ZNF587B: variants seen among roughly 807,000 people sequenced by gnomAD.
ZNF587B encodes the protein zinc finger protein 587B.
ZNF587B carries 6 observed loss-of-function variants against 7.2 expected under a neutral mutation model. The ratio of observed to expected loss-of-function variants is 0.83; its 90% CI spans 0.46 to 1.65. The LOEUF is 1.65. Among genes scored for constraint, ZNF587B ranks in the 40% most tolerant of loss-of-function variants. ZNF587B has a pLI of 0.01. For synonymous variants in ZNF587B, 274 were observed against 254.3 expected, an observed-to-expected ratio of 1.08 and a Z score of -0.74; for missense variants, 749 against 761.0, an observed-to-expected ratio of 0.98 and a Z score of 0.19.
chr19:57,841,974 A>G lies in ZNF587B; in HGVS notation c.1300A>G (p.Thr434Ala). The G allele has an allele frequency of 1.9e-6, 3 of 1,609,800 alleles. No homozygotes were observed. Among genetic ancestry groups the G allele is most frequent in the Non-Finnish European group, 2.5e-6 (3 of 1,177,902 alleles). ...TAGGAGTCATCAGCGAGTTCACACTACAGAAAGACCTTATAAGTGTGGGGA... is the reference window on the plus strand; with the variant it reads ...TAGGAGTCATCAGCGAGTTCACACTGCAGAAAGACCTTATAAGTGTGGGGA... ...HLRSHQRVHT[T>A]ERPYKCGECG... is the part of the protein sequence containing the mutation. Residue 434 changes from threonine (T) to alanine (A), a missense_variant, in exon 3 of 3, where the codon ACA (threonine) becomes GCA (alanine). This residue lies in a region of ZNF587B where 656 missense variants were observed against 596.5 expected (regional missense o/e 1.10). Transcript: ENST00000594901.
At chr19:57,840,013 G>C (rs1427340690) in intron 2 of ZNF587B, among the ~76,000 whole-genome samples, 2 of 144,608 alleles carry the variant, frequency 1.4e-5, no homozygotes, top group Non-Finnish European at 3.0e-5. Context: ...AGGAGGCAGA[G>C]GTGGTGAGCC....
intron 1 of ZNF587B, among the ~76,000 whole-genome samples, chr19:57,831,208 T>C (rs1988376589): frequency 1.3e-5 from 2 of 152,134 alleles, no homozygotes; most frequent in African/African-American, 2.4e-5. Context: ...ATGGAGTCTG[T>C]CTGGCTCTCT....
chr19:57,842,825 C>A lies in ZNF587B; in HGVS notation c.*249C>A. On this transcript the variant is annotated 3_prime_UTR_variant, in exon 3 of 3. Transcript: ENST00000594901. ...GCCTTACTAGTGTGGCAAATATAGG[C>A]TATTTATCCAGAAGTCTGGCTTCAA... 1 of 985,298 alleles carries A rather than the reference C, an allele frequency of 1.0e-6. No individual in the cohort carries two copies. Among genetic ancestry groups the A allele is most frequent in the Non-Finnish European group, 1.2e-6 (1 of 829,908 alleles). The allele number at this position is 985,298 out of a possible 1,614,324, so 61.0% of individuals were successfully genotyped here.
At chr19:57,837,215 G>A (rs1460209217) in intron 1 of ZNF587B, among the ~76,000 whole-genome samples, 12 of 151,716 alleles carry the variant, frequency 7.9e-5, no homozygotes, top group Admixed American at 2.0e-4. Flanking sequence ...GTGGCTCTTT[G>A]TGGTGAGTGG....
intron 1 of ZNF587B, among the ~76,000 whole-genome samples, chr19:57,836,291 G>A (rs1325825708): frequency 6.6e-6 from 1 of 152,174 alleles, no homozygotes; most frequent in Non-Finnish European, 1.5e-5. Context: ...AATTACTTGA[G>A]ACCACCGCTC....
intron 1 of ZNF587B, among the ~76,000 whole-genome samples, chr19:57,832,191 A>T (rs900852311): frequency 4.0e-5 from 6 of 151,590 alleles, no homozygotes; most frequent in African/African-American, 1.5e-4. Context: ...GGTTCATGCC[A>T]TTCTCCTGCC....
chr19:57,839,103 G>C lies in ZNF587B; in HGVS notation c.117G>C (p.Leu39=). The C allele has an allele frequency of 3.1e-6, 5 of 1,614,196 alleles. No homozygotes were observed. Among genetic ancestry groups the C allele is most frequent in the Non-Finnish European group, 4.2e-6 (5 of 1,180,036 alleles). ...TCCTTAGTGAGGCTCAGAGATGCCT[G>C]TACCGTGATGTGACTCTGGAGAACC... ...WNLLSEAQRC[L]YRDVTLENLA... The change falls in exon 2 of 3, where the codon CTG becomes CTC. Residue 39 remains leucine, a synonymous_variant. Coordinates refer to ENST00000594901, the MANE Select transcript of ZNF587B (RefSeq NM_001376223.1).
At chr19:57,831,628 A>G (rs1988399647) in intron 1 of ZNF587B, among the ~76,000 whole-genome samples, 1 of 152,124 alleles carries the variant, frequency 6.6e-6, no homozygotes, top group South Asian at 2.1e-4. Flanking sequence ...ACCTGATCTC[A>G]GGTGATTCAC....
intron 2 of ZNF587B, among the ~76,000 whole-genome samples, chr19:57,840,321 C>T (rs1227650711): frequency 6.6e-6 from 1 of 152,024 alleles, no homozygotes; most frequent in Non-Finnish European, 1.5e-5. Flanking sequence ...TACATGAACT[C>T]GTACCCTAAT....
At position 57,842,713 on chromosome 19, in the gene ZNF587B, G is replaced by T. The variant is rs1988907179; in HGVS notation, c.*137G>T. On this transcript the variant is annotated 3_prime_UTR_variant, in exon 3 of 3. Coordinates refer to ENST00000594901, the MANE Select transcript of ZNF587B (RefSeq NM_001376223.1). The stretch of plus-strand genomic sequence containing the variant: ...TGGACATTGGAGAGTTCACACCAGA[G>T]AAAAGTCCTTACAAGTAAAATAAAT... 7.8e-7 allele frequency: 1 copy of T among 1,287,922 alleles called. No individual in the cohort carries two copies. The allele number at this position is 1,287,922 out of a possible 1,614,324, so 79.8% of individuals were successfully genotyped here. A position where few individuals can be genotyped will look rare whatever the true frequency, so the allele number is the denominator to read the frequency against.
chr19:57,839,090 C>T lies in ZNF587B; in HGVS notation c.104C>T (p.Ala35Val), dbSNP rs777537750. 1.9e-6 allele frequency: 3 copies of T among 1,614,174 alleles called. No homozygotes were observed. The highest frequency in any genetic ancestry group is 2.2e-5 in the South Asian group (2 of 91,076). ...GAGGAATGGAATCTCCTTAGTGAGGCTCAGAGATGCCTGTACCGTGATGTG... is the reference window on the plus strand; with the variant it reads ...GAGGAATGGAATCTCCTTAGTGAGGTTCAGAGATGCCTGTACCGTGATGTG... ...TQEEWNLLSE[A>V]QRCLYRDVTL... Residue 35 changes from alanine to valine, a missense_variant, in exon 2 of 3, where the codon GCT becomes GTT. Transcript: ENST00000594901.
At chr19:57,837,439 GT>G (rs772656383) in intron 1 of ZNF587B, among the ~76,000 whole-genome samples, 38 of 135,124 alleles carry the variant, frequency 2.8e-4, no homozygotes, top group Non-Finnish European at 3.4e-4. Context: ...TTTTTGTTTT[GT>G]TTTTTTTTTT....
In ZNF587B at chr19:57,844,876, A is replaced by G. The variant is rs1415387578; in HGVS notation, c.*2300A>G. On this transcript the variant is annotated 3_prime_UTR_variant, in exon 3 of 3. Transcript: ENST00000594901. The stretch of plus-strand genomic sequence containing the variant: ...GATATCCAGAATTCTGTAAGGCAAC[A>G]TCACAGGTTGTAAGGCTATAGGATG... 44 of 152,252 alleles carry G rather than the reference A, an allele frequency of 2.9e-4. No homozygotes were observed. The highest frequency in any genetic ancestry group is 2.7e-3 in the Admixed American group (42 of 15,284). The allele number at this position is 152,252 out of a possible 1,614,324, so 9.4% of individuals were successfully genotyped here. A position where few individuals can be genotyped will look rare whatever the true frequency, so the allele number is the denominator to read the frequency against.
chr19:57,840,171 A>G (rs1988785501), intron 2 of ZNF587B, among the ~76,000 whole-genome samples: 2 of 150,016 alleles, frequency 1.3e-5, no homozygotes, highest in South Asian at 2.1e-4. Flanking sequence ...CCAGGAACCT[A>G]TTCTACTTTA....
intron 1 of ZNF587B, among the ~76,000 whole-genome samples, chr19:57,836,862 C>G (rs1420288594): frequency 6.6e-6 from 1 of 150,594 alleles, no homozygotes; most frequent in South Asian, 2.1e-4. Flanking sequence ...TACTGAGGAG[C>G]TGAGGCAAGA....
rs1988321656 is a variant in ZNF587B, at chr19:57,830,338, G to A, written c.-191G>A. 1 of 568,226 alleles carries A rather than the reference G, an allele frequency of 1.8e-6. No homozygotes were observed. The highest frequency in any genetic ancestry group is 3.0e-5 in the East Asian group (1 of 33,852). The allele number at this position is 568,226 out of a possible 1,614,324, so 35.2% of individuals were successfully genotyped here. The stretch of plus-strand genomic sequence containing the variant: ...TTATTTGTCGGAGAGGCTCCTGAGC[G>A]CTAGGTCGGCACTGCGGTGACTGAA... On this transcript the variant is annotated 5_prime_UTR_variant, in exon 1 of 3. Transcript: ENST00000594901.
rs1317431328 is a variant in ZNF587B at position 57,830,365 on chromosome 19, C to G, written c.-164C>G. The G allele has an allele frequency of 2.2e-5, 15 of 684,636 alleles. No homozygotes were observed. Among genetic ancestry groups the G allele is most frequent in the Non-Finnish European group, 3.4e-5 (14 of 411,562 alleles). The allele number at this position is 684,636 out of a possible 1,614,324, so 42.4% of individuals were successfully genotyped here. ...TAGGTCGGCACTGCGGTGACTGAAC[C>G]CAGAAGGCGGAGAACAGTTGTCCTC... On this transcript the variant is annotated 5_prime_UTR_variant, in exon 1 of 3. Coordinates refer to ENST00000594901, the MANE Select transcript of ZNF587B (RefSeq NM_001376223.1).
intron 2 of ZNF587B, among the ~76,000 whole-genome samples, chr19:57,839,483 C>T (rs941275335): frequency 6.6e-6 from 1 of 152,172 alleles, no homozygotes; most frequent in African/African-American, 2.4e-5. Flanking sequence ...TTTTCTTATG[C>T]CTTCCTGTGG....
chr19:57,838,426 C>A (rs1481588964), intron 1 of ZNF587B, among the ~76,000 whole-genome samples: 1 of 151,956 alleles, frequency 6.6e-6, no homozygotes, highest in South Asian at 2.1e-4. Context: ...CATGATGAAA[C>A]CCCGTCTCTA....
Sources: allele counts gnomAD v4.1 joint callset (sites outside exome capture counted in the v4.1 genomes callset), GRCh38; gene constraint gnomAD v4.1.1; regional missense constraint gnomAD v4.1.1; transcripts MANE v1.5; gene names NCBI Gene and HGNC (gene_info 2026-07-23, HGNC 2026-07-21).